Variants in BTRC observed in about 807,000 individuals in gnomAD.
BTRC encodes F-box/WD repeat-containing protein 1A.
In BTRC, 42 loss-of-function variants were observed where a neutral mutation model predicts 85.5. That is an observed-to-expected ratio of 0.49 (90% CI 0.38 to 0.64). The LOEUF is 0.64. Among genes scored for constraint, BTRC ranks in the 30% least tolerant of loss-of-function variants. BTRC has a pLI of 0.00. For synonymous variants in BTRC, 255 were observed against 263.3 expected, an observed-to-expected ratio of 0.97 and a Z score of 0.30; for missense variants, 594 against 743.5, an observed-to-expected ratio of 0.80 and a Z score of 2.34.
At chr10:101,467,553 T>TG (rs1945411750) in intron 3 of BTRC, among the ~76,000 whole-genome samples, 1 of 152,126 alleles carries the variant, frequency 6.6e-6, no homozygotes, top group East Asian at 1.9e-4. Context: ...TGACAAACTA[T>TG]GCTTAAGGGA....
intron 4 of BTRC, among the ~76,000 whole-genome samples, chr10:101,482,665 GA>G (rs1205428480): frequency 6.6e-6 from 1 of 152,134 alleles, no homozygotes; most frequent in Non-Finnish European, 1.5e-5. Flanking sequence ...AAAGCAATGG[GA>G]TTACAGTCGT....
intron 2 of BTRC, among the ~76,000 whole-genome samples, chr10:101,452,117 A>C (rs1437913734): frequency 6.6e-6 from 1 of 152,204 alleles, no homozygotes; most frequent in Non-Finnish European, 1.5e-5. Context: ...ATTATTTGCT[A>C]ATGTCTCAAG....
At chr10:101,405,349 C>G (rs1260577913) in intron 1 of BTRC, among the ~76,000 whole-genome samples, 1 of 152,134 alleles carries the variant, frequency 6.6e-6, no homozygotes, top group Non-Finnish European at 1.5e-5. Flanking sequence ...TTTTAGCCTT[C>G]TTTGGGTCTC....
intron 2 of BTRC, among the ~76,000 whole-genome samples, chr10:101,461,272 A>G (rs1945218135): frequency 6.6e-6 from 1 of 152,156 alleles, no homozygotes; most frequent in Admixed American, 6.5e-5. Context: ...AACTCAAATA[A>G]TATGTAATTT....
At chr10:101,465,296 A>T (rs1187304981) in intron 3 of BTRC, among the ~76,000 whole-genome samples, 2 of 152,202 alleles carry the variant, frequency 1.3e-5, no homozygotes, top group African/African-American at 4.8e-5. Context: ...TAGCAATTTA[A>T]CATTGTTTTT....
At chr10:101,463,309 G>T (rs1317140651) in intron 3 of BTRC, among the ~76,000 whole-genome samples, 1 of 152,108 alleles carries the variant, frequency 6.6e-6, no homozygotes, top group African/African-American at 2.4e-5. Context: ...CTCCCAAAGT[G>T]CTGGGATTAC....
intron 4 of BTRC, among the ~76,000 whole-genome samples, chr10:101,511,488 A>G (rs2061952814): frequency 6.6e-6 from 1 of 152,086 alleles, no homozygotes; most frequent in Admixed American, 6.6e-5. Context: ...CAGACTCCCA[A>G]GTAGCTGGAA....
chr10:101,354,455 G>A (rs1009667475), intron 1 of BTRC: 34 of 540,842 alleles, frequency 6.3e-5, no homozygotes, highest in Admixed American at 3.2e-4. Flanking sequence ...GAGAGGCCAA[G>A]TGACAGCGGG....
chr10:101,527,543 A>G (rs1295238204), intron 6 of BTRC, among the ~76,000 whole-genome samples: 1 of 152,154 alleles, frequency 6.6e-6, no homozygotes, highest in African/African-American at 2.4e-5. Flanking sequence ...GTTTGAGCCC[A>G]GGAGTTTGAT....
chr10:101,515,030 A>G (rs1477073826), intron 4 of BTRC, among the ~76,000 whole-genome samples: 2 of 152,018 alleles, frequency 1.3e-5, no homozygotes, highest in African/African-American at 4.8e-5. Context: ...ATCTCGGCTC[A>G]CTGCAGCCTC....
chr10:101,468,685 C>G (rs533771332), intron 3 of BTRC, among the ~76,000 whole-genome samples: 4 of 152,270 alleles, frequency 2.6e-5, no homozygotes, highest in Admixed American at 1.3e-4. Context: ...TAACGATTTT[C>G]ATTATACTAT....
At chr10:101,534,210 G>C (rs926382189) in intron 9 of BTRC, among the ~76,000 whole-genome samples, 1 of 152,054 alleles carries the variant, frequency 6.6e-6, no homozygotes, top group Non-Finnish European at 1.5e-5. Context: ...CTTGGCCTTT[G>C]ACCTTTATGA....
chr10:101,364,971 A>G (rs1382357319), intron 1 of BTRC: 1 of 152,244 alleles, frequency 6.6e-6, no homozygotes, highest in African/African-American at 2.4e-5. Flanking sequence ...TAGAGGACAT[A>G]TCAGATACTA....
Position 101,456,013 on chromosome 10 carries a change from C to CACACACACACACACACAG in BTRC, c.157-5963_157-5962insCACACACACACAGACACA, listed in dbSNP as rs1279383373. ...ACACACACACACACACACACACACA[C>CACACACACACACACACAG]ACACAAAATTAGCTGGGCATGGTGG... On this transcript the variant is annotated intron_variant, in intron 2 of 14. Transcript: ENST00000370187. Among the ~76,000 whole-genome samples the CACACACACACACACACAG allele has an allele frequency of 3.4e-4, 51 of 150,834 alleles. No individual in the cohort carries two copies. The East Asian group carries it at 9.0e-3, about 27-fold the overall frequency.
chr10:101,466,022 A>G (rs1244391619), intron 3 of BTRC, among the ~76,000 whole-genome samples: 1 of 152,228 alleles, frequency 6.6e-6, no homozygotes, highest in Non-Finnish European at 1.5e-5. Flanking sequence ...TTTTATTCCT[A>G]TCTGCAATCA....
At chr10:101,435,520 A>T (rs1352143482) in intron 2 of BTRC, among the ~76,000 whole-genome samples, 2 of 152,310 alleles carry the variant, frequency 1.3e-5, no homozygotes, top group African/African-American at 2.4e-5. Flanking sequence ...CATGTTACGT[A>T]TATCAGTAGT....
At chr10:101,522,396 G>A (rs1403109168) in intron 5 of BTRC, among the ~76,000 whole-genome samples, 107 of 42,756 alleles carry the variant, frequency 2.5e-3, no homozygotes, top group Non-Finnish European at 3.9e-3. Flanking sequence ...AAAAACTCTA[G>A]AAATAAAGAC....
chr10:101,471,309 G>A (rs1027371201), intron 3 of BTRC, among the ~76,000 whole-genome samples: 1 of 152,152 alleles, frequency 6.6e-6, no homozygotes, highest in African/African-American at 2.4e-5. Context: ...GATCGCTGGA[G>A]CCCACTGAGT....
chr10:101,388,180 A>G (rs1943133850), intron 1 of BTRC, among the ~76,000 whole-genome samples: 1 of 151,792 alleles, frequency 6.6e-6, no homozygotes, highest in African/African-American at 2.4e-5. Flanking sequence ...TGTTTTGTTT[A>G]GAGGAGAATC....
Sources: allele counts gnomAD v4.1 joint callset (sites outside exome capture counted in the v4.1 genomes callset), GRCh38; gene constraint gnomAD v4.1.1; transcripts MANE v1.5; gene names NCBI Gene and HGNC (gene_info 2026-07-23, HGNC 2026-07-21).